CWH43: variants seen among roughly 807,000 people sequenced by gnomAD.
The protein encoded by CWH43 is cell wall biogenesis 43 C-terminal homolog.
CWH43 carries 91 observed loss-of-function variants against 85.7 expected under a neutral mutation model. The observed-to-expected ratio is 1.06, with a 90% CI of 0.90 to 1.26. The LOEUF is 1.26. CWH43 is among the 50% of genes most tolerant of loss of function. The pLI, the probability that CWH43 is intolerant of heterozygous loss-of-function variation, is 0.00. For synonymous variants in CWH43, 323 were observed against 293.6 expected, an observed-to-expected ratio of 1.10 and a Z score of -1.02; for missense variants, 869 against 839.2, an observed-to-expected ratio of 1.04 and a Z score of -0.44.
At chr4:49,018,900 T>C (rs1043456111) in intron 9 of CWH43, among the ~76,000 whole-genome samples, 1 of 152,228 alleles carries the variant, frequency 6.6e-6, no homozygotes, top group Non-Finnish European at 1.5e-5. Flanking sequence ...AATAAGTAGA[T>C]AATAGTAGAC....
intron 8 of CWH43, chr4:49,016,681 T>G (rs1783557994): frequency 1.3e-6 from 1 of 765,324 alleles, no homozygotes; most frequent in Non-Finnish European, 2.4e-6. Context: ...GCTTCTGGGC[T>G]GCTTAGTCCA....
intron 11 of CWH43, chr4:49,031,197 C>A (rs567128521): frequency 5.8e-5 from 23 of 396,084 alleles, no homozygotes; most frequent in African/African-American, 4.4e-4. Context: ...GCTGAGGTTG[C>A]AGCACCAAGC....
At chr4:49,042,624 T>C (rs1486295631) in intron 13 of CWH43, among the ~76,000 whole-genome samples, 1 of 152,102 alleles carries the variant, frequency 6.6e-6, no homozygotes, top group Non-Finnish European at 1.5e-5. Context: ...GTGGTATTGC[T>C]AGTAATTAGA....
intron 8 of CWH43, among the ~76,000 whole-genome samples, chr4:49,009,538 A>G (rs988418435): frequency 4.6e-5 from 7 of 152,184 alleles, no homozygotes; most frequent in Admixed American, 6.6e-5. Flanking sequence ...GAGAGAGGGC[A>G]TACTTGTCTT....
intron 11 of CWH43, among the ~76,000 whole-genome samples, chr4:49,031,850 T>C (rs1403913242): frequency 6.6e-6 from 1 of 152,150 alleles, no homozygotes; most frequent in Non-Finnish European, 1.5e-5. Flanking sequence ...TTGACCTGAG[T>C]ACCCGCTAAG....
At chr4:49,005,175 A>G (rs1783115691) in intron 7 of CWH43, among the ~76,000 whole-genome samples, 1 of 152,198 alleles carries the variant, frequency 6.6e-6, no homozygotes, top group African/African-American at 2.4e-5. Context: ...TGTTCCAGGA[A>G]CAGTGCCAGA....
intron 14 of CWH43, among the ~76,000 whole-genome samples, chr4:49,049,845 G>T (rs1784741272): frequency 6.6e-6 from 1 of 152,096 alleles, no homozygotes; most frequent in Non-Finnish European, 1.5e-5. Context: ...ATCACTGCCT[G>T]TCCTTCTTAC....
intron 14 of CWH43, 48 bp downstream of exon 14, chr4:49,044,895 C>A: frequency 6.8e-7 from 1 of 1,479,306 alleles, no homozygotes; most frequent in Non-Finnish European, 9.4e-7. Flanking sequence ...TTAATGTGAT[C>A]TTTTGGGTCT....
Position 48,992,730 on chromosome 4 carries a change from TGCTCCTA to T in CWH43, c.511+644_511+650del, listed in dbSNP as rs1782696573. Among the ~76,000 whole-genome samples the T allele has an allele frequency of 6.6e-6, 1 of 152,210 alleles. No homozygotes were observed. Among genetic ancestry groups the T allele is most frequent in the Non-Finnish European group, 1.5e-5 (1 of 68,042 alleles). On this transcript the variant is annotated intron_variant, in intron 4 of 15. Transcript: ENST00000226432. The surrounding 1 kb of genome is among the most constrained non-coding windows in gnomAD (Gnocchi z 4.3). The stretch of plus-strand genomic sequence containing the variant: ...AGGTATTAGTGGATTCTAGTTAACG[TGCTCCTA>T]GCTTTTTGTGTAACTCTCAGTGAGT...
intron 15 of CWH43, 99 bp downstream of exon 15, chr4:49,050,948 T>C (rs1227249150): frequency 1.1e-6 from 1 of 901,730 alleles, no homozygotes; most frequent in Non-Finnish European, 1.6e-6. Context: ...TATTTTGTCC[T>C]AGAGGTTTAT....
chr4:49,009,330 C>A (rs529102990), intron 8 of CWH43, among the ~76,000 whole-genome samples: 2 of 152,110 alleles, frequency 1.3e-5, no homozygotes, highest in African/African-American at 4.8e-5. Flanking sequence ...GATTTTGTAT[C>A]CTGAGACTTT....
At chr4:49,011,348 C>CT (rs1783352373) in intron 8 of CWH43, among the ~76,000 whole-genome samples, 1 of 152,016 alleles carries the variant, frequency 6.6e-6, no homozygotes, top group Admixed American at 6.6e-5. Context: ...TCCTCCATCC[C>CT]TTTATTTTGA....
chr4:48,993,916 G>A (rs1313503425), intron 4 of CWH43, among the ~76,000 whole-genome samples: 4 of 151,736 alleles, frequency 2.6e-5, no homozygotes, highest in African/African-American at 7.3e-5. Flanking sequence ...CACCGTGCCC[G>A]GCTAACTTTT....
chr4:49,060,647 G>T (rs977531179), intron 15 of CWH43, among the ~76,000 whole-genome samples: 1 of 152,152 alleles, frequency 6.6e-6, no homozygotes, highest in African/African-American at 2.4e-5. Context: ...ATGTGAAGTT[G>T]TCCTTCTTAC....
At chr4:49,054,667 G>C (rs1170373644) in intron 15 of CWH43, among the ~76,000 whole-genome samples, 2 of 151,956 alleles carry the variant, frequency 1.3e-5, no homozygotes, top group Non-Finnish European at 2.9e-5. Flanking sequence ...TTAATTTGTG[G>C]TCTTCAATTT....
At chr4:48,987,853 T>C (rs1432086370) in intron 1 of CWH43, among the ~76,000 whole-genome samples, 1 of 152,176 alleles carries the variant, frequency 6.6e-6, no homozygotes, top group Non-Finnish European at 1.5e-5. Context: ...CAAGTGCTTT[T>C]GGGTGTAGTC....
intron 15 of CWH43, 137 bp from the exon 16 acceptor site, chr4:49,061,675 G>A (rs1208012999): frequency 6.9e-6 from 5 of 726,014 alleles, no homozygotes; most frequent in Non-Finnish European, 7.5e-6. Flanking sequence ...ATTTTAGTTT[G>A]CCTTTCCTAT....
chr4:49,047,579 A>G (rs981023164), intron 14 of CWH43, among the ~76,000 whole-genome samples: 4 of 152,084 alleles, frequency 2.6e-5, no homozygotes, highest in African/African-American at 9.7e-5. Flanking sequence ...CTGGCAGAAG[A>G]TACCTCCTGG....
At chr4:49,003,196 T>C (rs566369334) in intron 6 of CWH43, among the ~76,000 whole-genome samples, 2 of 152,298 alleles carry the variant, frequency 1.3e-5, no homozygotes, top group African/African-American at 4.8e-5. Context: ...GATTGCAGAA[T>C]TGCTAAAGCA....
Sources: allele counts gnomAD v4.1 joint callset (sites outside exome capture counted in the v4.1 genomes callset), GRCh38; gene constraint gnomAD v4.1.1; non-coding constraint Gnocchi (gnomAD v3.1); transcripts MANE v1.5; gene names NCBI Gene and HGNC (gene_info 2026-07-23, HGNC 2026-07-21).